TEX14: variants seen among roughly 807,000 people sequenced by gnomAD.
TEX14 encodes inactive serine/threonine-protein kinase TEX14.
Under a neutral mutation model 178.6 loss-of-function variants are expected in TEX14, and 168 were observed. That is an observed-to-expected ratio of 0.94 (90% CI 0.83 to 1.07). The LOEUF is 1.07. Among genes scored for constraint, TEX14 ranks in the 50% least tolerant of loss-of-function variants. TEX14 has a pLI of 0.00. For missense variants in TEX14, 1,730 were observed against 1,753.6 expected, an observed-to-expected ratio of 0.99 and a Z score of 0.24; for synonymous variants, 626 against 634.1, an observed-to-expected ratio of 0.99 and a Z score of 0.19.
rs1319124439 is a variant in TEX14, at chr17:58,593,616, A to T, written c.2515T>A (p.Phe839Ile). 6.2e-7 allele frequency: 1 copy of T among 1,614,094 alleles called. No homozygotes were observed. The highest frequency in any genetic ancestry group is 1.7e-5 in the Admixed American group (1 of 60,006). The change falls in exon 15 of 32, where the codon TTT becomes ATT. Residue 839 changes from phenylalanine to isoleucine, a missense_variant. Physicochemically the swap from Phe to Ile is conservative, Grantham distance 21 (BLOSUM62 0). Coordinates refer to ENST00000349033, the MANE Select transcript of TEX14 (RefSeq NM_031272.5). Reference sequence around the variant, plus strand: ...TCCTTGGCTCCTTGAGTGCACTGAAATTGTTCATCTGTGTTCTGTTTTCCA... The same window carrying T: ...TCCTTGGCTCCTTGAGTGCACTGAATTTGTTCATCTGTGTTCTGTTTTCCA... The part of the protein sequence containing the change: ...DPGKQNTDEQ[F>I]QCTQGAKDSL...
intron 1 of TEX14, chr17:58,677,835 G>A (rs1246474387): frequency 6.6e-6 from 1 of 152,246 alleles, no homozygotes; most frequent in African/African-American, 2.4e-5. Context: ...CTACTTACAA[G>A]ATAAAGACTT....
chr17:58,616,868 G>A (rs2045884858), intron 6 of TEX14, among the ~76,000 whole-genome samples: 1 of 152,198 alleles, frequency 6.6e-6, no homozygotes, highest in Non-Finnish European at 1.5e-5. Flanking sequence ...GAAGCCCATT[G>A]TGGTCCCCAC....
In TEX14 at chr17:58,661,032, G is replaced by C. The variant is rs543910181; in HGVS notation, c.-1-9030C>G. The C allele has an allele frequency of 2.8e-5, 32 of 1,134,838 alleles. No individual in the cohort carries two copies. In the East Asian group the frequency reaches 5.1e-4, roughly 18 times the overall value. The allele number at this position is 1,134,838 out of a possible 1,614,324, so 70.3% of individuals were successfully genotyped here. A position where few individuals can be genotyped will look rare whatever the true frequency, so the allele number is the denominator to read the frequency against. ...TGAAGAAGATAATATTCACGAACAC[G>C]CTCATTATCTGCTTGACCACTTTCC... On this transcript the variant is annotated intron_variant, in intron 1 of 31. Coordinates refer to ENST00000349033, the MANE Select transcript of TEX14 (RefSeq NM_031272.5).
intron 1 of TEX14, among the ~76,000 whole-genome samples, chr17:58,683,746 G>A (rs1337894597): frequency 7.8e-6 from 1 of 129,030 alleles, no homozygotes; most frequent in Non-Finnish European, 1.6e-5. Context: ...CTGGGCGACA[G>A]AGCAAGACTC....
At chr17:58,585,747 C>G (rs1786795498) in intron 18 of TEX14, 54 bp downstream of exon 18, 1 of 1,590,048 alleles carries the variant, frequency 6.3e-7, no homozygotes. Context: ...AGCCACCTCG[C>G]CCGACTGATA....
Position 58,571,996 on chromosome 17 carries a change from A to G in TEX14, c.3642T>C (p.Ser1214=), listed in dbSNP as rs138328740. ...CCAGTTTCTTTGCTCTCTCTCGGAC[A>G]CTTATAAAGTCATCAGACAAAGTTT... is the stretch of plus-strand genomic sequence containing the variant. The part of the protein sequence containing the change: ...FIQTLSDDFI[S]VRERAKKLDS... Residue 1214 remains serine, a synonymous_variant, in exon 24 of 32, where the codon AGT becomes AGC. Coordinates refer to ENST00000349033, the MANE Select transcript of TEX14 (RefSeq NM_031272.5). 3 of 1,614,060 alleles carry G rather than the reference A, an allele frequency of 1.9e-6. No homozygotes were observed. The highest frequency in any genetic ancestry group is 1.7e-5 in the Admixed American group (1 of 60,006).
intron 14 of TEX14, 81 bp from the exon 15 acceptor site, chr17:58,593,742 T>A (rs1391974206): frequency 1.6e-5 from 19 of 1,207,874 alleles, no homozygotes; most frequent in Non-Finnish European, 2.3e-5. Context: ...TTCAAAGCCA[T>A]TCTTGCTAAA....
chr17:58,641,503 A>ATTC (rs900617714), intron 2 of TEX14, among the ~76,000 whole-genome samples: 23 of 147,830 alleles, frequency 1.6e-4, no homozygotes, highest in Non-Finnish European at 2.4e-4. Flanking sequence ...TATTATTATT[A>ATTC]TTATTATTAT....
intron 1 of TEX14, among the ~76,000 whole-genome samples, chr17:58,660,154 C>T (rs2047078300): frequency 6.6e-6 from 1 of 150,836 alleles, no homozygotes; most frequent in Non-Finnish European, 1.5e-5. Context: ...TCTGTAATCC[C>T]AGCACTTTGG....
intron 1 of TEX14, chr17:58,661,397 T>C (rs772128435): frequency 1.3e-5 from 11 of 877,124 alleles, no homozygotes; most frequent in Middle Eastern, 2.1e-4. Flanking sequence ...CTCCAAATCT[T>C]CATTTCGGCT....
chr17:58,568,077 T>C (rs2044440051), intron 26 of TEX14, among the ~76,000 whole-genome samples: 1 of 152,242 alleles, frequency 6.6e-6, no homozygotes, highest in Non-Finnish European at 1.5e-5. Flanking sequence ...AGTTCTGTTA[T>C]TTTAAGAAGA....
chr17:58,661,800 C>T, intron 1 of TEX14: 1 of 488,274 alleles, frequency 2.0e-6, no homozygotes, highest in East Asian at 3.3e-5. Context: ...TCCGGGTCTT[C>T]GTCAAACTTT....
At chr17:58,655,122 C>T (rs2046925763) in intron 1 of TEX14, among the ~76,000 whole-genome samples, 1 of 149,726 alleles carries the variant, frequency 6.7e-6, no homozygotes, top group Non-Finnish European at 1.5e-5. Context: ...CAGCCATTCT[C>T]CTGCCTCCGC....
chr17:58,682,168 C>T (rs1021177262), intron 1 of TEX14, among the ~76,000 whole-genome samples: 4 of 152,110 alleles, frequency 2.6e-5, no homozygotes, highest in Admixed American at 2.6e-4. Flanking sequence ...AGGCTGGGCT[C>T]AAACTCCTGG....
chr17:58,651,926 G>A lies in TEX14; in HGVS notation c.76C>T (p.Gln26Ter), dbSNP rs747461545. Residue 26 changes from glutamine to a stop codon, truncating the protein, a stop_gained, in exon 2 of 32, where the codon CAG becomes TAG. Transcript: ENST00000349033. LOFTEE classifies it high-confidence loss of function. ...CCTTGTTTGACATACTCATGAAGCT[G>A]AGCTTCCAGGGAGTCATTTCTTAAG... Reference protein sequence around the residue: ...GTLRNDSLEAQLHEYVKQGNY... With the variant: ...GTLRNDSLEA 6.2e-7 allele frequency: 1 copy of A among 1,613,272 alleles called. No individual in the cohort carries two copies. The highest frequency in any genetic ancestry group is 8.5e-7 in the Non-Finnish European group (1 of 1,179,826).
chr17:58,615,170 G>T, intron 8 of TEX14, 62 bp downstream of exon 8: 1 of 943,322 alleles, frequency 1.1e-6, no homozygotes, highest in Non-Finnish European at 1.7e-6. Context: ...GAGCTGAATA[G>T]CCCAGAACCT....
intron 7 of TEX14, 141 bp downstream of exon 7, chr17:58,616,034 G>T: frequency 1.0e-6 from 1 of 960,898 alleles, no homozygotes. Flanking sequence ...TAGTGTCCTG[G>T]CTGAGAAACC....
At chr17:58,626,906 C>T (rs983227006) in intron 3 of TEX14, among the ~76,000 whole-genome samples, 2 of 152,082 alleles carry the variant, frequency 1.3e-5, no homozygotes, top group Non-Finnish European at 2.9e-5. Flanking sequence ...CCCAGAAATT[C>T]CCCTTCACCT....
At chr17:58,584,356 T>A (rs753282141) in intron 19 of TEX14, 144 bp downstream of exon 19, 12 of 615,310 alleles carry the variant, frequency 2.0e-5, no homozygotes, top group Non-Finnish European at 3.2e-5. Context: ...ATTATTTTAT[T>A]CATGTCAGTG....
Sources: allele counts gnomAD v4.1 joint callset (sites outside exome capture counted in the v4.1 genomes callset), GRCh38; gene constraint gnomAD v4.1.1; transcripts MANE v1.5; gene names NCBI Gene and HGNC (gene_info 2026-07-23, HGNC 2026-07-21).